OSMR: variants seen among roughly 807,000 people sequenced by gnomAD.
OSMR encodes the protein oncostatin M receptor.
Under a neutral mutation model 99.9 loss-of-function variants are expected in OSMR, and 81 were observed. That is an observed-to-expected ratio of 0.81 (90% CI 0.68 to 0.97). The LOEUF (loss-of-function observed/expected upper bound fraction) is 0.97. Among genes scored for constraint, OSMR ranks in the 50% least tolerant of loss-of-function variants. The pLI, the probability that OSMR is intolerant of heterozygous loss-of-function variation, is 0.00. For synonymous variants in OSMR, 406 were observed against 410.4 expected (o/e 0.99, Z 0.13); for missense variants, 1,099 against 1,153.4 (o/e 0.95, Z 0.68).
chr5:38,858,290 T>G (rs78651133), intron 1 of OSMR, among the ~76,000 whole-genome samples: 154 of 152,184 alleles, frequency 1.0e-3, no homozygotes, highest in Non-Finnish European at 1.9e-3. Flanking sequence ...GTAACCATCA[T>G]TCTATCTTCT....
chr5:38,936,661 C>CTGT (rs1747059848), downstream of OSMR, among the ~76,000 whole-genome samples: 1 of 152,288 alleles, frequency 6.6e-6, no homozygotes, highest in African/African-American at 2.4e-5. Flanking sequence ...TCTAAGAGTT[C>CTGT]TGTTGAAAGA....
rs74405141 is a variant in OSMR at position 38,848,182 on chromosome 5, T to G, written c.-14+1795T>G. Among the ~76,000 whole-genome samples, 616 of 152,310 alleles carry G rather than the reference T, an allele frequency of 4.0e-3. 6 individuals carry two copies. The highest frequency in any genetic ancestry group is 0.014 in the African/African-American group (591 of 41,566). ...AGAATCTTAGTGAGTGTGGTCTTGC[T>G]CACTTACAGGAACTGTGAGCCTTGG... On this transcript the variant is annotated intron_variant, in intron 1 of 17. Transcript: ENST00000274276.
intron 2 of OSMR, among the ~76,000 whole-genome samples, chr5:38,874,007 T>G (rs1029372054): frequency 6.6e-6 from 1 of 152,050 alleles, no homozygotes; most frequent in Non-Finnish European, 1.5e-5. Flanking sequence ...TGTTGTATTT[T>G]TTTTGGTAGA....
At chr5:38,849,365 T>G (rs1740171675) in intron 1 of OSMR, among the ~76,000 whole-genome samples, 1 of 152,200 alleles carries the variant, frequency 6.6e-6, no homozygotes, top group Non-Finnish European at 1.5e-5. Flanking sequence ...TAATTCATCT[T>G]TTTTCCAACT....
chr5:38,900,325 A>C (rs1744812904), intron 7 of OSMR, among the ~76,000 whole-genome samples: 1 of 152,166 alleles, frequency 6.6e-6, no homozygotes, highest in South Asian at 2.1e-4. Flanking sequence ...TGATTTAAGA[A>C]TATCTTTCTT....
At chr5:38,864,204 T>C (rs1213138655) in intron 1 of OSMR, among the ~76,000 whole-genome samples, 1 of 152,214 alleles carries the variant, frequency 6.6e-6, no homozygotes, top group Non-Finnish European at 1.5e-5. Context: ...GTTAACATTT[T>C]GTCATCCTGT....
At chr5:38,885,856 T>A (rs949019170) in intron 6 of OSMR, 183 bp from the exon 7 acceptor site, 2 of 983,852 alleles carry the variant, frequency 2.0e-6, no homozygotes, top group East Asian at 1.1e-4. Context: ...TTTCAGCACG[T>A]ATGTCAAATT....
At chr5:38,944,273 A>G (rs759576907) in exon 2 of OSMR, 1 of 690,694 alleles carries the variant, frequency 1.4e-6, no homozygotes, top group Non-Finnish European at 2.6e-6. Context: ...ATCTGTTGCC[A>G]TATGTTGTTT....
rs988626350 is a variant in OSMR at position 38,918,874 on chromosome 5, T to C, written c.1397T>C (p.Leu466Pro). The change falls in exon 11 of 18, where the codon CTG (leucine) becomes CCG (proline). Residue 466 changes from leucine (L) to proline (P), a missense_variant. By Grantham distance (98) the Leu-to-Pro change is moderately conservative. Transcript: ENST00000274276. ...LSKLHANGKILFYNVVVENLD... is the reference protein window; with the variant it reads ...LSKLHANGKIPFYNVVVENLD... ...AAACTGCATGCCAATGGAAAGATCC[T>C]GTTCTATAATGTAGTTGTAGAAAAC... 5 of 1,614,146 alleles carry C rather than the reference T, an allele frequency of 3.1e-6. No individual in the cohort carries two copies. Among genetic ancestry groups the C allele is most frequent in the Non-Finnish European group, 4.2e-6 (5 of 1,179,976 alleles).
intron 9 of OSMR, among the ~76,000 whole-genome samples, chr5:38,907,354 G>A (rs1460214535): frequency 6.6e-6 from 1 of 152,242 alleles, no homozygotes; most frequent in Non-Finnish European, 1.5e-5. Context: ...CTGGCAGGAA[G>A]AGCTTCTTAG....
intron 7 of OSMR, among the ~76,000 whole-genome samples, chr5:38,899,468 C>T (rs769502913): frequency 2.6e-5 from 4 of 152,152 alleles, no homozygotes; most frequent in Non-Finnish European, 5.9e-5. Flanking sequence ...ATCCCCTTTA[C>T]TTTTCTCAAG....
intron 10 of OSMR, among the ~76,000 whole-genome samples, chr5:38,917,839 C>T (rs1051293983): frequency 1.3e-5 from 2 of 152,180 alleles, no homozygotes; most frequent in African/African-American, 4.8e-5. Context: ...GTAGAACCTT[C>T]TCTGCAACTT....
At chr5:38,895,292 G>T (rs1167033143) in intron 7 of OSMR, among the ~76,000 whole-genome samples, 2 of 151,926 alleles carry the variant, frequency 1.3e-5, no homozygotes, top group Non-Finnish European at 2.9e-5. Flanking sequence ...CCATACAAAG[G>T]CTCAATGAAA....
At chr5:38,913,756 C>A (rs1337620961) in intron 9 of OSMR, among the ~76,000 whole-genome samples, 1 of 152,106 alleles carries the variant, frequency 6.6e-6, no homozygotes, top group Admixed American at 6.5e-5. Flanking sequence ...TTTAGCTACC[C>A]CAGGTAGCTT....
intron 1 of OSMR, chr5:38,942,432 C>A: frequency 2.8e-5 from 26 of 927,788 alleles, no homozygotes; most frequent in South Asian, 4.0e-5. Flanking sequence ...GATGATATAA[C>A]ATATTTATAT....
chr5:38,936,814 T>G (rs1172449078), downstream of OSMR, among the ~76,000 whole-genome samples: 6 of 152,208 alleles, frequency 3.9e-5, no homozygotes, highest in East Asian at 1.2e-3. Flanking sequence ...ATAGGTATAT[T>G]CAATTTGAAA....
intron 7 of OSMR, among the ~76,000 whole-genome samples, chr5:38,896,599 A>G (rs1744535667): frequency 6.6e-6 from 1 of 151,984 alleles, no homozygotes; most frequent in Non-Finnish European, 1.5e-5. Context: ...CAGACAAGGA[A>G]AATTTGGCTT....
At chr5:38,885,204 G>A (rs1300916255) in intron 5 of OSMR, 145 bp from the exon 6 acceptor site, 5 of 1,496,670 alleles carry the variant, frequency 3.3e-6, no homozygotes, top group Non-Finnish European at 4.4e-6. Flanking sequence ...GACTTTTGGA[G>A]GCTGTTGATA....
chr5:38,861,585 C>T (rs1741319186), intron 1 of OSMR, among the ~76,000 whole-genome samples: 1 of 152,270 alleles, frequency 6.6e-6, no homozygotes, highest in African/African-American at 2.4e-5. Flanking sequence ...CCTCTCTATT[C>T]CACAAAACCG....
Sources: allele counts gnomAD v4.1 joint callset (sites outside exome capture counted in the v4.1 genomes callset), GRCh38; gene constraint gnomAD v4.1.1; transcripts MANE v1.5; gene names NCBI Gene and HGNC (gene_info 2026-07-23, HGNC 2026-07-21).